The following PDE4D variants were observed in gnomAD, a reference collection of about 807,000 sequenced individuals.
The protein encoded by PDE4D is phosphodiesterase 4D.
A neutral mutation model predicts 87.4 loss-of-function variants in PDE4D; 24 were observed. The ratio of observed to expected loss-of-function variants is 0.27; its 90% CI spans 0.20 to 0.39. The LOEUF (loss-of-function observed/expected upper bound fraction) is 0.39, where lower values mean the gene tolerates loss of function less well. PDE4D is among the 10% of genes least tolerant of loss of function. PDE4D has a pLI of 1.00. For missense variants in PDE4D, 714 were observed against 1,041.0 expected, an observed-to-expected ratio of 0.69 and a Z score of 4.32; for synonymous variants, 384 against 383.2, an observed-to-expected ratio of 1.00 and a Z score of -0.02.
In PDE4D at chr5:59,943,843, T is replaced by G. The variant is rs146561455; in HGVS notation, c.272+44645A>C. Among the ~76,000 whole-genome samples, 607 of 152,300 alleles carry G rather than the reference T, an allele frequency of 4.0e-3. 5 individuals carry two copies. The highest frequency in any genetic ancestry group is 0.014 in the African/African-American group (582 of 41,562). Reference sequence around the variant, plus strand: ...TTTCAATATCTAAGTCCTTTAATTGTGCAGTAACAATAACCGTGCAGTTAG... The same window carrying G: ...TTTCAATATCTAAGTCCTTTAATTGGGCAGTAACAATAACCGTGCAGTTAG... On this transcript the variant is annotated intron_variant, in intron 3 of 16. Transcript: ENST00000502484.
intron 3 of PDE4D, among the ~76,000 whole-genome samples, chr5:59,190,906 T>C (rs1744156176): frequency 6.6e-6 from 1 of 152,148 alleles, no homozygotes; most frequent in Non-Finnish European, 1.5e-5. Flanking sequence ...AGGCCATTTG[T>C]GAAAACCATG....
rs915542428 is a variant in PDE4D at position 59,682,520 on chromosome 5, T to C, written c.455+210648A>G. 2.0e-5 allele frequency among the ~76,000 whole-genome samples: 3 copies of C among 152,230 alleles called. No homozygotes were observed. The East Asian group carries it at 5.8e-4, about 29-fold the overall frequency. ...TGTTTACGTTGCCTCCAAATTCATA[T>C]GTTGAAACTTAATCAGCAATATGAT... On this transcript the variant is annotated intron_variant, in intron 1 of 14. Transcript: ENST00000340635.
intron 1 of PDE4D, among the ~76,000 whole-genome samples, chr5:60,343,251 A>G (rs981647401): frequency 3.9e-5 from 6 of 152,134 alleles, no homozygotes; most frequent in Admixed American, 2.0e-4. Flanking sequence ...TCTAAATGTA[A>G]TCAACGCAGG....
intron 3 of PDE4D, among the ~76,000 whole-genome samples, chr5:59,960,881 A>C (rs1759396313): frequency 1.3e-5 from 2 of 152,198 alleles, no homozygotes; most frequent in Admixed American, 1.3e-4. Flanking sequence ...AAATTAAAAA[A>C]ATATTTATAT....
intron 1 of PDE4D, among the ~76,000 whole-genome samples, chr5:59,257,779 T>C (rs1761256530): frequency 6.6e-6 from 1 of 152,022 alleles, no homozygotes; most frequent in Non-Finnish European, 1.5e-5. Flanking sequence ...TTAAACTTTG[T>C]GTAAAGAGAA....
rs191118208 is a variant in PDE4D, at chr5:59,227,531, C to T, written c.456-11563G>A. ...AAAGTCTAATACCCAGAATCTACAA[C>T]GAAATTAAACGAACATTCAAGCAAA... is the stretch of plus-strand genomic sequence containing the variant. On this transcript the variant is annotated intron_variant, in intron 1 of 14. Coordinates refer to ENST00000340635, the MANE Select transcript of PDE4D (RefSeq NM_001104631.2). Among the ~76,000 whole-genome samples the T allele has an allele frequency of 1.4e-3, 214 of 151,972 alleles. 3 individuals are homozygous for T. The highest frequency in any genetic ancestry group is 4.9e-3 in the African/African-American group (205 of 41,466).
chr5:59,037,875 T>C (rs982751810), intron 6 of PDE4D, among the ~76,000 whole-genome samples: 1 of 151,648 alleles, frequency 6.6e-6, no homozygotes, highest in African/African-American at 2.4e-5. Flanking sequence ...TATGTGCACA[T>C]AGATGAACTG....
At chr5:59,878,569 T>G (rs1184382287) in intron 1 of PDE4D, among the ~76,000 whole-genome samples, 1 of 152,188 alleles carries the variant, frequency 6.6e-6, no homozygotes, top group Non-Finnish European at 1.5e-5. Flanking sequence ...CACCTCGGCC[T>G]CCCAAAGTGC....
intron 6 of PDE4D, among the ~76,000 whole-genome samples, chr5:59,035,687 A>G (rs1033334175): frequency 6.6e-6 from 1 of 152,224 alleles, no homozygotes; most frequent in African/African-American, 2.4e-5. Flanking sequence ...AAGCTAAAAA[A>G]AATTGAAGTC....
Position 59,837,413 on chromosome 5 carries a change from A to T in PDE4D, c.455+55755T>A, listed in dbSNP as rs903163778. Among the ~76,000 whole-genome samples the T allele has an allele frequency of 5.9e-5, 9 of 152,194 alleles. No homozygotes were observed. In the East Asian group the frequency reaches 1.7e-3, roughly 30 times the overall value. On this transcript the variant is annotated intron_variant, in intron 1 of 14. Coordinates refer to ENST00000340635, the MANE Select transcript of PDE4D (RefSeq NM_001104631.2). ...TTTTCCTAACTGGACTCTCCTTGCA[A>T]GAAAGAGCTTGTCATATATGTCTAG...
rs1745511764 is a variant in PDE4D at position 60,444,802 on chromosome 5, A to G, written c.-90+43140T>C. 5.3e-5 allele frequency among the ~76,000 whole-genome samples: 8 copies of G among 151,942 alleles called. No individual in the cohort carries two copies. The South Asian group carries it at 1.7e-3, about 32-fold the overall frequency. ...AATGTCAACCAGGGGAGGACCTGCTACTGACAAGCCGTTCTGGGGGGTCTG... is the reference window on the plus strand; with the variant it reads ...AATGTCAACCAGGGGAGGACCTGCTGCTGACAAGCCGTTCTGGGGGGTCTG... On this transcript the variant is annotated intron_variant, in intron 1 of 16. Coordinates refer to the PDE4D transcript ENST00000502484.
rs1764771889 is a variant in PDE4D, at chr5:60,009,162, A to G, written c.43-20445T>C. Among the ~76,000 whole-genome samples, 3 of 152,192 alleles carry G rather than the reference A, an allele frequency of 2.0e-5. No homozygotes were observed. The South Asian group carries it at 6.2e-4, about 32-fold the overall frequency. ...CTTCCTACATCTTAAGCATAAGTTC[A>G]TCATGGAAGGTTTTTATCAAACGTT... On this transcript the variant is annotated intron_variant, in intron 2 of 16. Transcript: ENST00000502484.
chr5:60,256,767 AG>A (rs552015980), intron 1 of PDE4D, among the ~76,000 whole-genome samples: 97 of 152,110 alleles, frequency 6.4e-4, no homozygotes, highest in African/African-American at 2.2e-3. Flanking sequence ...TGTCGAAAGA[AG>A]TAAAGCCTCC....
chr5:59,143,422 A>T (rs1778190934), intron 5 of PDE4D, among the ~76,000 whole-genome samples: 3 of 152,218 alleles, frequency 2.0e-5, no homozygotes, highest in African/African-American at 4.8e-5. Context: ...TATCAATTTA[A>T]TATAGGGATT....
chr5:59,199,937 TAC>T (rs1304972206), intron 2 of PDE4D, among the ~76,000 whole-genome samples: 3 of 151,896 alleles, frequency 2.0e-5, no homozygotes, highest in South Asian at 2.1e-4. Flanking sequence ...GGCACATATA[TAC>T]ATATATACAT....
intron 2 of PDE4D, among the ~76,000 whole-genome samples, chr5:60,159,019 C>G (rs1260843732): frequency 6.6e-6 from 1 of 152,202 alleles, no homozygotes; most frequent in Non-Finnish European, 1.5e-5. Context: ...TATTTTACAA[C>G]TGTAGAAGAA....
At chr5:60,391,936 C>T (rs916936435) in intron 1 of PDE4D, among the ~76,000 whole-genome samples, 5 of 152,134 alleles carry the variant, frequency 3.3e-5, no homozygotes, top group Admixed American at 1.3e-4. Context: ...TACAAACTTC[C>T]CTGGATTGAA....
rs189075212 is a variant in PDE4D at position 59,425,930 on chromosome 5, T to C, written c.456-209962A>G. Among the ~76,000 whole-genome samples the C allele has an allele frequency of 1.9e-3, 295 of 152,316 alleles. 1 individual carries two copies. The highest frequency in any genetic ancestry group is 6.9e-3 in the African/African-American group (285 of 41,570). On this transcript the variant is annotated intron_variant, in intron 1 of 14. Transcript: ENST00000340635. ...AAAATTTGTATGCTGAAGCCCTAAA[T>C]ACCAGTATCTCAGAATGAGACTATA...
At chr5:59,279,478 C>A (rs533934930) in intron 1 of PDE4D, among the ~76,000 whole-genome samples, 4 of 152,152 alleles carry the variant, frequency 2.6e-5, no homozygotes, top group South Asian at 2.1e-4. Flanking sequence ...CTGGCATGAA[C>A]CTTGCTTGGA....
Sources: allele counts gnomAD v4.1 joint callset (sites outside exome capture counted in the v4.1 genomes callset), GRCh38; gene constraint gnomAD v4.1.1; transcripts MANE v1.5; gene names NCBI Gene and HGNC (gene_info 2026-07-23, HGNC 2026-07-21).